SRRM4: variants seen among roughly 807,000 people sequenced by gnomAD.
SRRM4 encodes the protein serine/arginine repetitive matrix 4, also known as serine/arginine repetitive matrix protein 4.
In SRRM4, 33 loss-of-function variants were observed where a neutral mutation model predicts 68.9. The observed-to-expected ratio is 0.48, with a 90% CI of 0.36 to 0.64. SRRM4 has a LOEUF of 0.64. Among genes scored for constraint, SRRM4 ranks in the 30% least tolerant of loss-of-function variants. SRRM4 has a pLI of 0.00. For synonymous variants in SRRM4, 318 were observed against 318.8 expected (o/e 1.00, Z 0.03); for missense variants, 817 against 827.1 (o/e 0.99, Z 0.15).
intron 1 of SRRM4, among the ~76,000 whole-genome samples, chr12:119,088,244 T>A (rs1953991615): frequency 1.3e-5 from 2 of 152,270 alleles, no homozygotes; most frequent in South Asian, 4.1e-4. Context: ...CAGAGAAGAA[T>A]CTGACTTACA....
chr12:119,033,913 C>T (rs1046255923), intron 1 of SRRM4, among the ~76,000 whole-genome samples: 40 of 152,130 alleles, frequency 2.6e-4, no homozygotes, highest in African/African-American at 8.5e-4. Context: ...GTTCTAGTAA[C>T]TATATAGAAG....
chr12:118,994,787 G>A (rs1953338712), intron 1 of SRRM4, among the ~76,000 whole-genome samples: 1 of 152,170 alleles, frequency 6.6e-6, no homozygotes, highest in South Asian at 2.1e-4. Context: ...CTGATTCCTG[G>A]TATGACTGAG....
chr12:119,091,530 G>A (rs77298194), intron 1 of SRRM4, among the ~76,000 whole-genome samples: 13,752 of 152,156 alleles, frequency 0.09, 672 homozygotes, highest in Middle Eastern at 0.15. Flanking sequence ...GACCAGTGTC[G>A]TCTGTTCCTG....
intron 1 of SRRM4, among the ~76,000 whole-genome samples, chr12:119,066,797 A>G (rs998115702): frequency 1.3e-5 from 2 of 152,188 alleles, no homozygotes; most frequent in African/African-American, 2.4e-5. Context: ...TAAATCCACC[A>G]TCATCTCTTG....
chr12:119,154,359 A>T lies in SRRM4; in HGVS notation c.1508A>T (p.His503Leu). The T allele has an allele frequency of 6.2e-7, 1 of 1,613,254 alleles. No homozygotes were observed. The highest frequency in any genetic ancestry group is 2.2e-5 in the East Asian group (1 of 44,848). ...MRKRRRDSPS[H>L]LEARRITSAR... Reference sequence around the variant, plus strand: ...AAGCGCCGGAGAGACTCCCCGAGCCACCTGGAGGCCCGGAGGATAACCAGG... The same window carrying T: ...AAGCGCCGGAGAGACTCCCCGAGCCTCCTGGAGGCCCGGAGGATAACCAGG... The change falls in exon 12 of 13, where the codon CAC becomes CTC. Residue 503 changes from histidine (H) to leucine (L), a missense_variant. Coordinates refer to ENST00000267260, the MANE Select transcript of SRRM4 (RefSeq NM_194286.4). This position sits in a 1 kb window ranked among gnomAD's most constrained non-coding sequence, Gnocchi z 4.7.
At chr12:119,021,135 G>A (rs1017377369) in intron 1 of SRRM4, among the ~76,000 whole-genome samples, 2 of 152,234 alleles carry the variant, frequency 1.3e-5, no homozygotes, top group Non-Finnish European at 2.9e-5. Flanking sequence ...GTGAGTGTGA[G>A]AAGGGTGAGG....
chr12:119,020,147 C>G (rs924685907), intron 1 of SRRM4, among the ~76,000 whole-genome samples: 6 of 151,988 alleles, frequency 3.9e-5, no homozygotes, highest in African/African-American at 1.2e-4. Context: ...ATTGCACCAC[C>G]AGGGTGGTGG....
intron 4 of SRRM4, among the ~76,000 whole-genome samples, chr12:119,118,476 T>C (rs2136050610): frequency 6.6e-6 from 1 of 152,336 alleles, no homozygotes; most frequent in South Asian, 2.1e-4. Context: ...TAGAGTGGCC[T>C]CAAACTCAGT....
chr12:118,992,273 A>T (rs1276378614), intron 1 of SRRM4: 1 of 152,314 alleles, frequency 6.6e-6, no homozygotes, highest in African/African-American at 2.4e-5. Context: ...CTCTGCTGCA[A>T]CCAGGTGAGC....
chr12:119,080,174 G>A (rs1320645275), intron 1 of SRRM4, among the ~76,000 whole-genome samples: 2 of 150,848 alleles, frequency 1.3e-5, no homozygotes, highest in Non-Finnish European at 2.9e-5. Context: ...TTCTACTCAG[G>A]GAGGAAGGAG....
chr12:119,122,335 G>C (rs1250273390), intron 6 of SRRM4, among the ~76,000 whole-genome samples: 1 of 150,416 alleles, frequency 6.6e-6, no homozygotes, highest in Non-Finnish European at 1.5e-5. Context: ...AGGAAGGAAG[G>C]AAGGGGAGAG....
intron 1 of SRRM4, among the ~76,000 whole-genome samples, chr12:119,044,052 C>T (rs573826848): frequency 6.6e-6 from 1 of 151,422 alleles, no homozygotes; most frequent in African/African-American, 2.5e-5. Context: ...TTTTTAGAAG[C>T]GATGGGGTTT....
At chr12:119,147,656 TAC>T (rs1954412645) in intron 9 of SRRM4, among the ~76,000 whole-genome samples, 1 of 152,172 alleles carries the variant, frequency 6.6e-6, no homozygotes, top group South Asian at 2.1e-4. Context: ...TAATTATAGA[TAC>T]AGATATACCA....
At chr12:119,095,313 C>G (rs148900606) in intron 1 of SRRM4, among the ~76,000 whole-genome samples, 50 of 152,310 alleles carry the variant, frequency 3.3e-4, no homozygotes, top group African/African-American at 1.1e-3. Flanking sequence ...GCATGAGAGT[C>G]TAGGCCTACA....
rs187740104 is a variant in SRRM4, at chr12:119,110,708, T to C, written c.279-3570T>C. On this transcript the variant is annotated intron_variant, in intron 2 of 12. Transcript: ENST00000267260. ...TATTAGGGTGGGAGTGTCCCGATTTTCCAGGTACCCTCTGTCACGGCTTCC... is the reference window on the plus strand; with the variant it reads ...TATTAGGGTGGGAGTGTCCCGATTTCCCAGGTACCCTCTGTCACGGCTTCC... Among the ~76,000 whole-genome samples, 43 of 152,286 alleles carry C rather than the reference T, an allele frequency of 2.8e-4. No homozygotes were observed. In the East Asian group the frequency reaches 6.8e-3, roughly 24 times the overall value.
chr12:119,011,218 G>A (rs1953446941), intron 1 of SRRM4, among the ~76,000 whole-genome samples: 1 of 152,128 alleles, frequency 6.6e-6, no homozygotes, highest in African/African-American at 2.4e-5. Flanking sequence ...AGAGTAGGTG[G>A]AAGACACATA....
intron 1 of SRRM4, among the ~76,000 whole-genome samples, chr12:119,074,701 C>G (rs10849624): frequency 0.57 from 86,194 of 151,982 alleles, 25,488 homozygotes; most frequent in Middle Eastern, 0.74. Flanking sequence ...CGATCAAAGA[C>G]AGCCTACACA....
At chr12:119,098,913 A>G (rs909125135) in intron 1 of SRRM4, among the ~76,000 whole-genome samples, 2 of 152,128 alleles carry the variant, frequency 1.3e-5, no homozygotes, top group Admixed American at 6.5e-5. Context: ...AGCTTGGACT[A>G]TTGCAACCAT....
chr12:119,082,776 G>A (rs896980276), intron 1 of SRRM4, among the ~76,000 whole-genome samples: 10 of 152,214 alleles, frequency 6.6e-5, no homozygotes, highest in African/African-American at 2.4e-4. Context: ...TGAAGCACAA[G>A]ATGTCAGAAA....
Sources: gnomAD v4.1 joint callset for allele counts (sites outside exome capture counted in the v4.1 genomes callset) on GRCh38, gnomAD v4.1.1 for gene constraint, Gnocchi (gnomAD v3.1) non-coding constraint, MANE v1.5 for transcripts, NCBI Gene and HGNC (gene_info 2026-07-23, HGNC 2026-07-21) for gene names.